Variants in PLPP3 observed in about 807,000 individuals in gnomAD.
PLPP3 encodes the protein phospholipid phosphatase 3.
PLPP3 carries 6 observed loss-of-function variants against 29.6 expected under a neutral mutation model. That is an observed-to-expected ratio of 0.20 (90% CI 0.11 to 0.40). PLPP3 has a LOEUF of 0.40. Ranked by LOEUF, PLPP3 falls within the 10% of genes least tolerant of loss-of-function variation. The probability of loss-of-function intolerance (pLI) is 1.00; values close to 1 mark genes in which losing one functional copy is unlikely to be tolerated. For missense variants in PLPP3, 308 were observed against 407.7 expected, an observed-to-expected ratio of 0.76 and a Z score of 2.11; for synonymous variants, 152 against 159.7, an observed-to-expected ratio of 0.95 and a Z score of 0.36.
chr1:56,530,468 T>C (rs958204099), intron 2 of PLPP3, among the ~76,000 whole-genome samples: 4 of 152,178 alleles, frequency 2.6e-5, no homozygotes, highest in Middle Eastern at 3.2e-3. Flanking sequence ...TCACACCCAT[T>C]CCCACTCCTG....
chr1:56,561,093 C>T (rs1040640230), intron 1 of PLPP3, among the ~76,000 whole-genome samples: 4 of 151,268 alleles, frequency 2.6e-5, no homozygotes, highest in Middle Eastern at 3.2e-3. Context: ...GTGATCCGCC[C>T]GCCTCAGCCT....
rs531489046 is a variant in PLPP3, at chr1:56,519,335, T to C, written c.633+4488A>G. Among the ~76,000 whole-genome samples the C allele has an allele frequency of 7.2e-5, 11 of 152,274 alleles. No homozygotes were observed. The East Asian group carries it at 1.7e-3, about 24-fold the overall frequency. ...CAGGTGAGCCTAGGGGTCATAATTC[T>C]GAGAGTCCGTAATATAACCTACATA... On this transcript the variant is annotated intron_variant, in intron 4 of 5. Coordinates refer to ENST00000371250, the MANE Select transcript of PLPP3 (RefSeq NM_003713.5).
chr1:56,507,544 G>A (rs1260756911), intron 5 of PLPP3, among the ~76,000 whole-genome samples: 2 of 152,116 alleles, frequency 1.3e-5, no homozygotes, highest in Admixed American at 1.3e-4. Context: ...AGTAGATGAG[G>A]CCTAAAGCCA....
intron 5 of PLPP3, among the ~76,000 whole-genome samples, chr1:56,502,507 A>G (rs1452135353): frequency 6.6e-6 from 1 of 152,202 alleles, no homozygotes; most frequent in East Asian, 1.9e-4. Flanking sequence ...TTTAGCAAAC[A>G]CTACAGTTAT....
At chr1:56,506,099 T>C (rs1353461182) in intron 5 of PLPP3, among the ~76,000 whole-genome samples, 1 of 152,154 alleles carries the variant, frequency 6.6e-6, no homozygotes, top group Non-Finnish European at 1.5e-5. Context: ...ATTTCATCCA[T>C]TCCCCTGTGC....
chr1:56,562,184 G>T (rs1466263292), intron 1 of PLPP3, among the ~76,000 whole-genome samples: 1 of 151,988 alleles, frequency 6.6e-6, no homozygotes, highest in African/African-American at 2.4e-5. Flanking sequence ...GGAGAGAGTG[G>T]GGTAATGGGG....
intron 5 of PLPP3, among the ~76,000 whole-genome samples, chr1:56,497,849 G>A (rs937352536): frequency 4.6e-5 from 7 of 152,094 alleles, no homozygotes; most frequent in South Asian, 2.1e-4. Context: ...GTAGCAACAC[G>A]GCAATCAAGA....
At chr1:56,560,910 C>T (rs540920074) in intron 1 of PLPP3, among the ~76,000 whole-genome samples, 18 of 149,520 alleles carry the variant, frequency 1.2e-4, no homozygotes, top group South Asian at 1.1e-3. Context: ...TGATCTCGGC[C>T]CACTGCAAGC....
chr1:56,575,573 T>C (rs139697364), intron 1 of PLPP3, among the ~76,000 whole-genome samples: 1 of 152,322 alleles, frequency 6.6e-6, no homozygotes, highest in African/African-American at 2.4e-5. Context: ...GGCAGAACTT[T>C]CTGCAAACCG....
intron 1 of PLPP3, among the ~76,000 whole-genome samples, chr1:56,557,961 G>A (rs962887069): frequency 5.3e-5 from 8 of 152,112 alleles, no homozygotes; most frequent in East Asian, 1.9e-4. Context: ...CCAAATCAGC[G>A]TATCCTGAGC....
At chr1:56,498,148 T>G (rs1204372410) in intron 5 of PLPP3, among the ~76,000 whole-genome samples, 1 of 152,220 alleles carries the variant, frequency 6.6e-6, no homozygotes, top group East Asian at 1.9e-4. Flanking sequence ...GTGCTATTGA[T>G]GTACCACTTT....
intron 4 of PLPP3, 28 bp downstream of exon 4, chr1:56,523,795 C>T: frequency 6.2e-7 from 1 of 1,600,822 alleles, no homozygotes; most frequent in East Asian, 2.2e-5. Flanking sequence ...GAACTGAGCA[C>T]TGCTCAAATC....
chr1:56,548,483 T>C (rs1646019142), intron 1 of PLPP3, among the ~76,000 whole-genome samples: 1 of 152,200 alleles, frequency 6.6e-6, no homozygotes, highest in African/African-American at 2.4e-5. Context: ...AATACCCAAC[T>C]GAAGTACAAC....
At chr1:56,554,823 G>T (rs1169212164) in intron 1 of PLPP3, among the ~76,000 whole-genome samples, 1 of 152,076 alleles carries the variant, frequency 6.6e-6, no homozygotes, top group Non-Finnish European at 1.5e-5. Context: ...AATAACTGGG[G>T]ATTTTCTTAG....
chr1:56,541,506 G>T (rs1204952638), intron 1 of PLPP3, among the ~76,000 whole-genome samples: 1 of 152,084 alleles, frequency 6.6e-6, no homozygotes, highest in Non-Finnish European at 1.5e-5. Flanking sequence ...CATTGACTGG[G>T]CCACTGAAAT....
intron 2 of PLPP3, among the ~76,000 whole-genome samples, chr1:56,534,327 A>G (rs537881779): frequency 6.6e-6 from 1 of 152,312 alleles, no homozygotes; most frequent in East Asian, 1.9e-4. Flanking sequence ...AGGTTTTTCC[A>G]TATCTCCTGC....
At chr1:56,565,769 G>C (rs917808904) in intron 1 of PLPP3, among the ~76,000 whole-genome samples, 10 of 152,122 alleles carry the variant, frequency 6.6e-5, no homozygotes, top group Non-Finnish European at 1.3e-4. Flanking sequence ...CCAGGACCCA[G>C]TGGTCTTCCT....
At chr1:56,554,379 T>C (rs920634008) in intron 1 of PLPP3, among the ~76,000 whole-genome samples, 1 of 152,016 alleles carries the variant, frequency 6.6e-6, no homozygotes, top group Admixed American at 6.5e-5. Flanking sequence ...GAGACCATCC[T>C]GGCTAACACG....
intron 1 of PLPP3, among the ~76,000 whole-genome samples, chr1:56,557,070 GAAAGAAAA>G (rs1646088362): frequency 2.3e-5 from 3 of 130,358 alleles, no homozygotes; most frequent in Admixed American, 1.6e-4. Context: ...AAGAAAGAAA[GAAAGAAAA>G]AATGAGAGAG....
Sources: allele counts gnomAD v4.1 joint callset (sites outside exome capture counted in the v4.1 genomes callset), GRCh38; gene constraint gnomAD v4.1.1; transcripts MANE v1.5; gene names NCBI Gene and HGNC (gene_info 2026-07-23, HGNC 2026-07-21).